ABCA12: variants seen among roughly 807,000 people sequenced by gnomAD.
ABCA12 encodes glucosylceramide transporter ABCA12.
In ABCA12, 156 loss-of-function variants were observed where a neutral mutation model predicts 293.5. The ratio of observed to expected loss-of-function variants is 0.53; its 90% CI spans 0.47 to 0.61. The LOEUF is 0.61. Among genes scored for constraint, ABCA12 ranks in the 20% least tolerant of loss-of-function variants. The probability of loss-of-function intolerance (pLI) is 0.00; values close to 1 mark genes in which losing one functional copy is unlikely to be tolerated. For synonymous variants in ABCA12, 1,063 were observed against 1,108.0 expected (o/e 0.96, Z 0.81); for missense variants, 2,797 against 3,090.2 (o/e 0.91, Z 2.25).
At chr2:214,970,034 T>C (rs1182473299) in intron 37 of ABCA12, among the ~76,000 whole-genome samples, 2 of 152,066 alleles carry the variant, frequency 1.3e-5, no homozygotes, top group African/African-American at 4.8e-5. Context: ...AAAAAAAATA[T>C]GTACAAATTT....
At chr2:215,031,931 A>G in intron 8 of ABCA12, 35 bp from the exon 9 acceptor site, 1 of 1,612,350 alleles carries the variant, frequency 6.2e-7, no homozygotes. Flanking sequence ...TAAACATTTA[A>G]CATGTTTGCT....
intron 45 of ABCA12, among the ~76,000 whole-genome samples, chr2:214,950,034 CA>C (rs751365254): frequency 4.6e-5 from 7 of 152,128 alleles, no homozygotes; most frequent in East Asian, 3.9e-4. Flanking sequence ...GAAATATATT[CA>C]GGGGGAAAAA....
At chr2:215,119,734 T>TA (rs386654995) in intron 1 of ABCA12, among the ~76,000 whole-genome samples, 1,037 of 75,578 alleles carry the variant, frequency 0.014, 4 homozygotes, top group African/African-American at 0.015. Context: ...CATTAAAAAG[T>TA]AAAAAAAAAA....
At chr2:215,052,678 A>C in intron 4 of ABCA12, 94 bp from the exon 5 acceptor site, 1 of 1,053,222 alleles carries the variant, frequency 9.5e-7, no homozygotes. Context: ...TTGTGACCTC[A>C]TATACCCTAC....
Position 215,020,119 on chromosome 2 carries a change from T to C in ABCA12, c.1288-323A>G, listed in dbSNP as rs553204573. On this transcript the variant is annotated intron_variant, in intron 11 of 52. Transcript: ENST00000272895. The stretch of plus-strand genomic sequence containing the variant: ...ACTAATTTTATATTTTGATTTATAT[T>C]TTAAATCATATGTAAGGGCAGATAA... Among the ~76,000 whole-genome samples, 11 of 152,318 alleles carry C rather than the reference T, an allele frequency of 7.2e-5. 1 individual carries two copies. Among genetic ancestry groups the C allele is most frequent in the Admixed American group, 7.2e-4 (11 of 15,294 alleles).
In ABCA12 at chr2:215,134,622, G is replaced by T. The variant is rs1242356052; in HGVS notation, c.69+3518C>A. The stretch of plus-strand genomic sequence containing the variant: ...CTCTATATATATATATATATAGAGA[G>T]AGAGAGAGAGAGAGAGAGACAAACA... On this transcript the variant is annotated intron_variant, in intron 1 of 52. Coordinates refer to ENST00000272895, the MANE Select transcript of ABCA12 (RefSeq NM_173076.3). Among the ~76,000 whole-genome samples, 611 of 108,448 alleles carry T rather than the reference G, an allele frequency of 5.6e-3. 23 individuals carry two copies. Among genetic ancestry groups the T allele is most frequent in the South Asian group, 0.012 (44 of 3,622 alleles). The allele number at this position is 108,448 out of a possible 152,430, so 71.1% of individuals were successfully genotyped here.
At chr2:215,041,551 CAAAAA>C (rs74770979) in intron 7 of ABCA12, among the ~76,000 whole-genome samples, 2 of 86,500 alleles carry the variant, frequency 2.3e-5, no homozygotes, top group Non-Finnish European at 2.7e-5. Flanking sequence ...GACTCCATCT[CAAAAA>C]AAAAAAAAAA....
At chr2:214,976,982 G>C (rs1699531581) in intron 33 of ABCA12, among the ~76,000 whole-genome samples, 1 of 152,164 alleles carries the variant, frequency 6.6e-6, no homozygotes, top group Non-Finnish European at 1.5e-5. Flanking sequence ...AAATTATGCA[G>C]CACAAAAATC....
chr2:215,116,209 G>C (rs1702682783), intron 1 of ABCA12, among the ~76,000 whole-genome samples: 1 of 152,136 alleles, frequency 6.6e-6, no homozygotes, highest in Non-Finnish European at 1.5e-5. Flanking sequence ...TCCACAATTT[G>C]TTTCTGCCTC....
At chr2:215,046,142 G>A (rs1423036967) in intron 6 of ABCA12, 127 bp from the exon 7 acceptor site, 2 of 867,580 alleles carry the variant, frequency 2.3e-6, no homozygotes, top group East Asian at 2.7e-5. Context: ...CCTTCACTCA[G>A]TTTGAAGCCA....
At chr2:215,094,016 T>C (rs1303042280) in intron 2 of ABCA12, among the ~76,000 whole-genome samples, 2 of 152,188 alleles carry the variant, frequency 1.3e-5, no homozygotes, top group Admixed American at 1.3e-4. Flanking sequence ...ATCTTCCATA[T>C]CTATCGTTGA....
At chr2:215,109,645 G>C (rs1183490744) in intron 2 of ABCA12, among the ~76,000 whole-genome samples, 2 of 152,048 alleles carry the variant, frequency 1.3e-5, no homozygotes, top group Admixed American at 6.6e-5. Flanking sequence ...TTTAGATTAG[G>C]CCTAAGAGGC....
intron 31 of ABCA12, among the ~76,000 whole-genome samples, 191 bp downstream of exon 31, chr2:214,980,292 T>C (rs187546412): frequency 4.6e-5 from 7 of 152,264 alleles, no homozygotes; most frequent in African/African-American, 9.6e-5. Context: ...TCAGACACTC[T>C]TGGGGTGGGG....
intron 48 of ABCA12, among the ~76,000 whole-genome samples, chr2:214,946,666 T>C (rs535591643): frequency 6.6e-6 from 1 of 152,300 alleles, no homozygotes; most frequent in Non-Finnish European, 1.5e-5. Context: ...TGATTCCTTA[T>C]AGTTAAGGCT....
chr2:215,043,389 A>T (rs1280578538), intron 7 of ABCA12, among the ~76,000 whole-genome samples: 1 of 152,174 alleles, frequency 6.6e-6, no homozygotes, highest in Non-Finnish European at 1.5e-5. Flanking sequence ...CATAGTGCCA[A>T]AATATGCAAT....
chr2:214,947,872 T>C (rs1339761252), intron 47 of ABCA12: 9 of 359,586 alleles, frequency 2.5e-5, no homozygotes, highest in African/African-American at 4.2e-5. Context: ...TAAGGCTTAA[T>C]AGAGCTGAAA....
At chr2:214,971,586 A>G (rs963855735) in intron 36 of ABCA12, among the ~76,000 whole-genome samples, 14 of 152,218 alleles carry the variant, frequency 9.2e-5, no homozygotes, top group Admixed American at 3.3e-4. Context: ...ATGGAATAGT[A>G]TAAATGTGTT....
intron 3 of ABCA12, among the ~76,000 whole-genome samples, chr2:215,062,585 C>T (rs765748758): frequency 1.8e-4 from 27 of 151,978 alleles, no homozygotes; most frequent in Non-Finnish European, 2.8e-4. Context: ...TATCCCAATC[C>T]GTTTCCTCAT....
At chr2:214,986,504 A>G in intron 28 of ABCA12, 38 bp downstream of exon 28, 1 of 1,590,034 alleles carries the variant, frequency 6.3e-7, no homozygotes, top group East Asian at 2.2e-5. Context: ...TTTTTGTAAC[A>G]TGCTTCCATG....
Sources: allele counts gnomAD v4.1 joint callset (sites outside exome capture counted in the v4.1 genomes callset), GRCh38; gene constraint gnomAD v4.1.1; transcripts MANE v1.5; gene names NCBI Gene and HGNC (gene_info 2026-07-23, HGNC 2026-07-21).